RBPJ: variants seen among roughly 807,000 people sequenced by gnomAD.
RBPJ encodes recombination signal binding protein for immunoglobulin kappa J region.
A neutral mutation model predicts 67.8 loss-of-function variants in RBPJ; 9 were observed. That is an observed-to-expected ratio of 0.13 (90% CI 0.08 to 0.23). The LOEUF (loss-of-function observed/expected upper bound fraction) is 0.23, where lower values mean the gene tolerates loss of function less well. RBPJ is among the 10% of genes least tolerant of loss of function. RBPJ has a pLI of 1.00. For missense variants in RBPJ, 305 were observed against 595.6 expected, an observed-to-expected ratio of 0.51 and a Z score of 5.08; for synonymous variants, 198 against 203.3, an observed-to-expected ratio of 0.97 and a Z score of 0.22.
At chr4:26,187,179 G>A (rs758558615) in intron 1 of RBPJ, among the ~76,000 whole-genome samples, 2 of 152,172 alleles carry the variant, frequency 1.3e-5, no homozygotes, top group African/African-American at 2.4e-5. Context: ...CCATGACTGC[G>A]CTACTGCATT....
At chr4:26,241,868 A>T (rs1227417919) in intron 1 of RBPJ, among the ~76,000 whole-genome samples, 2 of 152,060 alleles carry the variant, frequency 1.3e-5, no homozygotes, top group Non-Finnish European at 2.9e-5. Flanking sequence ...GGAATTTTTA[A>T]AAAAATTGTA....
At chr4:26,388,604 ACTCTCT>A (rs60945391) in intron 2 of RBPJ, among the ~76,000 whole-genome samples, 141 of 150,128 alleles carry the variant, frequency 9.4e-4, no homozygotes, top group African/African-American at 2.8e-3. Context: ...TTACACACAC[ACTCTCT>A]CTCTCTCTCT....
chr4:26,285,835 C>T (rs1721446170), intron 1 of RBPJ, among the ~76,000 whole-genome samples: 1 of 152,098 alleles, frequency 6.6e-6, no homozygotes, highest in Admixed American at 6.6e-5. Flanking sequence ...TATGTGTATA[C>T]CCAAAGACTA....
intron 1 of RBPJ, among the ~76,000 whole-genome samples, chr4:26,380,248 G>A (rs1184434654): frequency 1.3e-5 from 2 of 152,156 alleles, no homozygotes; most frequent in African/African-American, 4.8e-5. Context: ...GTTTCTGAAT[G>A]TTTTGTTTTT....
At chr4:26,362,739 A>G (rs1324096059) in intron 1 of RBPJ, 6 of 841,944 alleles carry the variant, frequency 7.1e-6, no homozygotes, top group East Asian at 5.5e-5. Context: ...GTTATTACAT[A>G]TTTAAGTTAT....
At chr4:26,238,215 C>A (rs1410745123) in intron 1 of RBPJ, among the ~76,000 whole-genome samples, 1 of 152,158 alleles carries the variant, frequency 6.6e-6, no homozygotes, top group Non-Finnish European at 1.5e-5. Context: ...GCGCGCACCA[C>A]CGTGCCTGGC....
At chr4:26,123,472 A>G in the RBPJ span, among the ~76,000 whole-genome samples, 9 of 152,196 alleles carry the variant, frequency 5.9e-5, no homozygotes, top group African/African-American at 1.9e-4. Context: ...AGACTTTATA[A>G]ACACTGTACA....
intron 1 of RBPJ, chr4:26,343,046 G>T (rs1300842933): frequency 6.6e-6 from 1 of 152,196 alleles, no homozygotes; most frequent in Non-Finnish European, 1.5e-5. Context: ...AGCTGTGGAT[G>T]TGGCTTAAAA....
intron 1 of RBPJ, chr4:26,343,077 A>G (rs2109406284): frequency 6.6e-6 from 1 of 152,334 alleles, no homozygotes. Context: ...TTCTACAATG[A>G]TGAGCCTTTA....
At chr4:26,395,195 G>A (rs1049275719) in intron 2 of RBPJ, among the ~76,000 whole-genome samples, 1 of 152,154 alleles carries the variant, frequency 6.6e-6, no homozygotes, top group South Asian at 2.1e-4. Context: ...GGTGGCTCAA[G>A]CCTGTAATCC....
At chr4:26,277,257 G>A (rs1721114672) in intron 1 of RBPJ, among the ~76,000 whole-genome samples, 1 of 137,920 alleles carries the variant, frequency 7.3e-6, no homozygotes, top group Admixed American at 7.1e-5. Context: ...GGGCGACAGA[G>A]CAAGACCCTG....
chr4:26,258,570 C>T (rs541138273), intron 1 of RBPJ, among the ~76,000 whole-genome samples: 31 of 152,224 alleles, frequency 2.0e-4, no homozygotes, highest in Admixed American at 1.0e-3. Flanking sequence ...TACAAAGGGA[C>T]TTCAAAAAGT....
At chr4:26,260,524 C>A (rs1720491869) in intron 1 of RBPJ, among the ~76,000 whole-genome samples, 2 of 152,118 alleles carry the variant, frequency 1.3e-5, no homozygotes, top group South Asian at 2.1e-4. Context: ...AAAAAAGCAA[C>A]TGTTACCTGT....
At chr4:26,316,440 C>CATATATACATTCATATACATTCAT (rs1400490616), upstream of RBPJ, among the ~76,000 whole-genome samples, 1 of 132,288 alleles carries the variant, frequency 7.6e-6, no homozygotes, top group Non-Finnish European at 1.6e-5. Flanking sequence ...TATATACATT[C>CATATATACATTCATATACATTCAT]ATATACATTC....
intron 1 of RBPJ, among the ~76,000 whole-genome samples, chr4:26,294,310 G>A (rs1325796491): frequency 6.6e-6 from 1 of 151,654 alleles, no homozygotes; most frequent in Non-Finnish European, 1.5e-5. Context: ...TCTTGGCCAG[G>A]CTAGTCTTGA....
At chr4:26,168,601 T>A (rs1176190093) in intron 1 of RBPJ, among the ~76,000 whole-genome samples, 1 of 152,226 alleles carries the variant, frequency 6.6e-6, no homozygotes, top group Non-Finnish European at 1.5e-5. Flanking sequence ...CTGTATTTCC[T>A]GAATCTGAAT....
intron 1 of RBPJ, among the ~76,000 whole-genome samples, chr4:26,345,818 T>C (rs1322779472): frequency 1.3e-5 from 2 of 152,174 alleles, no homozygotes; most frequent in Non-Finnish European, 1.5e-5. Context: ...CTTTGAGGCA[T>C]TGGTAGGTTT....
At chr4:26,246,408 C>T (rs1397878828) in intron 1 of RBPJ, among the ~76,000 whole-genome samples, 1 of 152,170 alleles carries the variant, frequency 6.6e-6, no homozygotes, top group Non-Finnish European at 1.5e-5. Flanking sequence ...ATCCCCATAA[C>T]ATTTAAGAAT....
rs188033840 is a variant in RBPJ at position 26,179,252 on chromosome 4, G to A, written c.-167+15638G>A. ...ATCTGAGAGCTGTCATCTTCTGCTT[G>A]AGATCTGGCTGCATTTTGGTGGGAA... On this transcript the variant is annotated intron_variant, in intron 1 of 4. Transcript: ENST00000512351. Among the ~76,000 whole-genome samples the A allele has an allele frequency of 5.3e-5, 8 of 150,864 alleles. No homozygotes were observed. The East Asian group carries it at 1.6e-3, about 30-fold the overall frequency.
Sources: allele counts gnomAD v4.1 joint callset (sites outside exome capture counted in the v4.1 genomes callset), GRCh38; gene constraint gnomAD v4.1.1; transcripts MANE v1.5; gene names NCBI Gene and HGNC (gene_info 2026-07-23, HGNC 2026-07-21).